Variants in TEX15 observed in about 807,000 individuals in gnomAD.
TEX15 encodes the protein testis-expressed protein 15.
Under a neutral mutation model 237.3 loss-of-function variants are expected in TEX15, and 171 were observed. That is an observed-to-expected ratio of 0.72 (90% confidence interval 0.64 to 0.82). The LOEUF (loss-of-function observed/expected upper bound fraction) is 0.82, where lower values mean the gene tolerates loss of function less well. Ranked by LOEUF, TEX15 falls within the 40% of genes least tolerant of loss-of-function variation. The pLI, the probability that TEX15 is intolerant of heterozygous loss-of-function variation, is 0.00. For missense variants in TEX15, 3,750 were observed against 3,646.5 expected (o/e 1.03, Z -0.73); for synonymous variants, 1,338 against 1,269.8 (o/e 1.05, Z -1.14).
At position 30,843,477 on chromosome 8, in the gene TEX15, C is replaced by G; in HGVS notation, c.6690G>C (p.Ser2230=). The part of the protein sequence containing the change: ...NVCGDSPKVH[S]YPGKQDHLWI... ...ACAGATGGTCCTGTTTTCCTGGATACGAATGAACTTTAGGAGAGTCCCCAC... is the reference window on the plus strand; with the variant it reads ...ACAGATGGTCCTGTTTTCCTGGATAGGAATGAACTTTAGGAGAGTCCCCAC... Residue 2230 remains serine, a synonymous_variant, in exon 8 of 11, where the codon TCG becomes TCC. Transcript: ENST00000643185. 6.2e-7 allele frequency: 1 copy of G among 1,612,620 alleles called. No homozygotes were observed. Among genetic ancestry groups the G allele is most frequent in the Admixed American group, 1.7e-5 (1 of 59,892 alleles).
intron 5 of TEX15, among the ~76,000 whole-genome samples, chr8:30,864,569 C>A: frequency 7.0e-6 from 1 of 143,154 alleles, no homozygotes. Context: ...AGCCAGCAAA[C>A]TATCCTTCAG....
At position 30,875,039 on chromosome 8, in the gene TEX15, T is replaced by C; in HGVS notation, c.200A>G (p.Gln67Arg). 1 of 1,352,762 alleles carries C rather than the reference T, an allele frequency of 7.4e-7. No homozygotes were observed. Among genetic ancestry groups the C allele is most frequent in the Non-Finnish European group, 9.5e-7 (1 of 1,049,454 alleles). The allele number at this position is 1,352,762 out of a possible 1,614,324, so 83.8% of individuals were successfully genotyped here. ...EYSFIHDTLN[Q>R]CRLDVNCDLQ... ...ATCACAGTTTACATCAAGCCTGCAC[T>C]GGTTAAGAGTATCATGTATAAAACT... is the stretch of plus-strand genomic sequence containing the variant. The change falls in exon 4 of 11, where the codon CAG becomes CGG. Residue 67 changes from glutamine to arginine, a missense_variant. Gln to Arg is a conservative substitution (Grantham distance 43, BLOSUM62 1). Coordinates refer to ENST00000643185, the MANE Select transcript of TEX15 (RefSeq NM_001350162.2).
chr8:30,836,769 C>A, intron 10 of TEX15, 34 bp downstream of exon 10: 1 of 1,529,536 alleles, frequency 6.5e-7, no homozygotes, highest in Non-Finnish European at 8.8e-7. Context: ...AAAGTAACAA[C>A]TCAATAAAGC....
At chr8:30,908,279 C>G (rs888253606) in intron 1 of TEX15, among the ~76,000 whole-genome samples, 1 of 151,878 alleles carries the variant, frequency 6.6e-6, no homozygotes, top group African/African-American at 2.4e-5. Flanking sequence ...AGGGTGGTCT[C>G]CGACTTCTGG....
At chr8:30,876,506 C>A (rs1377772107) in intron 3 of TEX15, among the ~76,000 whole-genome samples, 2 of 152,116 alleles carry the variant, frequency 1.3e-5, no homozygotes, top group Non-Finnish European at 2.9e-5. Flanking sequence ...AGCTGCTTTT[C>A]TATCTTTCCC....
At chr8:30,860,712 G>A (rs988039918) in intron 5 of TEX15, among the ~76,000 whole-genome samples, 3 of 151,790 alleles carry the variant, frequency 2.0e-5, no homozygotes, top group African/African-American at 7.3e-5. Context: ...TACATGCCCA[G>A]CTAATTTTTG....
At chr8:30,890,034 G>A (rs1808765892) in intron 2 of TEX15, among the ~76,000 whole-genome samples, 1 of 147,808 alleles carries the variant, frequency 6.8e-6, no homozygotes, top group Non-Finnish European at 1.5e-5. Flanking sequence ...TGGAGTCCTG[G>A]GCTATTCTAG....
In TEX15 at chr8:30,847,847, C is replaced by A; in HGVS notation, c.2320G>T (p.Ala774Ser). 1.2e-6 allele frequency: 2 copies of A among 1,613,740 alleles called. No homozygotes were observed. Among genetic ancestry groups the A allele is most frequent in the Non-Finnish European group, 1.7e-6 (2 of 1,179,928 alleles). ...ACTGTATCAATGAACATTTCTTTGGCCTGGGGTATGTCTTTTGGTTTCGGG... is the reference window on the plus strand; with the variant it reads ...ACTGTATCAATGAACATTTCTTTGGACTGGGGTATGTCTTTTGGTTTCGGG... The part of the protein sequence containing the change: ...AFPKPKDIPQ[A>S]KEMFIDTVIS... Residue 774 changes from alanine to serine, a missense_variant, in exon 8 of 11, where the codon GCC (alanine) becomes TCC (serine). Physicochemically the swap from Ala to Ser is moderately conservative, Grantham distance 99. Transcript: ENST00000643185.
At chr8:30,859,399 CTTG>C (rs548404818) in intron 6 of TEX15, among the ~76,000 whole-genome samples, 243 of 151,982 alleles carry the variant, frequency 1.6e-3, no homozygotes, top group African/African-American at 5.4e-3. Context: ...TCAAAATAGC[CTTG>C]TTTTTTAAAA....
At position 30,849,136 on chromosome 8, in the gene TEX15, C is replaced by T; in HGVS notation, c.1031G>A (p.Gly344Glu). Residue 344 changes from glycine (G) to glutamate (E), a missense_variant, in exon 8 of 11, where the codon GGA becomes GAA. Transcript: ENST00000643185. The part of the protein sequence containing the change: ...PFISNISNSY[G>E]NVQNGNISIP... ...AGAAATGTTTCCATTTTGTACATTT[C>T]CATAGGAGTTAGAAATATTTGAGAT... 1 of 1,583,556 alleles carries T rather than the reference C, an allele frequency of 6.3e-7. No individual in the cohort carries two copies. Among genetic ancestry groups the T allele is most frequent in the Non-Finnish European group, 8.6e-7 (1 of 1,165,278 alleles).
rs779987369 is a variant in TEX15 at position 30,844,557 on chromosome 8, A to G, written c.5610T>C (p.Thr1870=). The G allele has an allele frequency of 1.9e-6, 3 of 1,611,918 alleles. No individual in the cohort carries two copies. In the South Asian group the frequency reaches 3.3e-5, roughly 18 times the overall value. Residue 1870 remains threonine, a synonymous_variant, in exon 8 of 11, where the codon ACT becomes ACC. Coordinates refer to ENST00000643185, the MANE Select transcript of TEX15 (RefSeq NM_001350162.2). ...TCTGATTCTTTTGATTTTTGTACTCAGTATTAACAGTTGATCCTTCAGTCA... is the reference window on the plus strand; with the variant it reads ...TCTGATTCTTTTGATTTTTGTACTCGGTATTAACAGTTGATCCTTCAGTCA... ...RSMTEGSTVN[T]EYKNQKNQIS...
intron 3 of TEX15, among the ~76,000 whole-genome samples, chr8:30,880,509 T>G (rs1037633964): frequency 3.9e-5 from 6 of 152,200 alleles, no homozygotes; most frequent in Non-Finnish European, 8.8e-5. Context: ...CTCCTCTTCC[T>G]TAGCCTACTC....
At chr8:30,849,626 G>T (rs923740214) in intron 7 of TEX15, among the ~76,000 whole-genome samples, 6 of 152,114 alleles carry the variant, frequency 3.9e-5, no homozygotes, top group African/African-American at 1.4e-4. Flanking sequence ...ATAGGGGCTG[G>T]GCACGGTGGC....
rs190641233 is a variant in TEX15 at position 30,888,138 on chromosome 8, C to A, written c.-9-827G>T. 2.6e-3 allele frequency among the ~76,000 whole-genome samples: 393 copies of A among 151,538 alleles called. 2 individuals carry two copies. Among genetic ancestry groups the A allele is most frequent in the African/African-American group, 9.0e-3 (374 of 41,340 alleles). ...CTGTGTTGCCCAGGCTGGTTTTGAA[C>A]ACCTGGGCTCAAGTGATCCTCCTGC... On this transcript the variant is annotated intron_variant, in intron 2 of 10. Coordinates refer to ENST00000643185, the MANE Select transcript of TEX15 (RefSeq NM_001350162.2).
rs1237790813 is a variant in TEX15 at position 30,838,057 on chromosome 8, T to C, written c.8227A>G (p.Thr2743Ala). The change falls in exon 10 of 11, where the codon ACA (threonine) becomes GCA (alanine). Residue 2743 changes from threonine to alanine, a missense_variant. Physicochemically the swap from Thr to Ala is moderately conservative, Grantham distance 58. Coordinates refer to ENST00000643185, the MANE Select transcript of TEX15 (RefSeq NM_001350162.2). ...TTTTCGCTTTTGGGATGAGATCCTG[T>C]AGTCCTATTAGGTGCAACACATACA... ...EKATFKHPRTTGSHPKSENKI... is the reference protein window; with the variant it reads ...EKATFKHPRTAGSHPKSENKI... The C allele has an allele frequency of 6.2e-7, 1 of 1,605,326 alleles. No individual in the cohort carries two copies. Among genetic ancestry groups the C allele is most frequent in the Admixed American group, 1.7e-5 (1 of 57,960 alleles).
At chr8:30,895,857 T>C (rs936290336) in intron 2 of TEX15, among the ~76,000 whole-genome samples, 1 of 151,666 alleles carries the variant, frequency 6.6e-6, no homozygotes, top group Non-Finnish European at 1.5e-5. Flanking sequence ...ATTTTTTGTA[T>C]TTTAGTAGAG....
intron 8 of TEX15, among the ~76,000 whole-genome samples, chr8:30,841,251 T>TC (rs1367648535): frequency 2.0e-5 from 3 of 152,288 alleles, no homozygotes; most frequent in East Asian, 3.9e-4. Flanking sequence ...ACTTCTGAAC[T>TC]AAGAAGTCTT....
In TEX15 at chr8:30,836,905, G is replaced by A. The variant is rs927642951; in HGVS notation, c.9379C>T (p.Gln3127Ter). The A allele has an allele frequency of 1.9e-5, 31 of 1,614,174 alleles. No homozygotes were observed. The highest frequency in any genetic ancestry group is 2.6e-5 in the Non-Finnish European group (31 of 1,180,032). ...QSQIPASNFR[Q>*]PIFSQYASHQ... ...GAAGCATATTGTGAAAAAATTGGCT[G>A]CCGAAAATTAGAAGCAGGTATTTGA... The change falls in exon 10 of 11, where the codon CAG (glutamine) becomes TAG (stop). Residue 3127 changes from glutamine to a stop codon, truncating the protein, a stop_gained. Coordinates refer to ENST00000643185, the MANE Select transcript of TEX15 (RefSeq NM_001350162.2). LOFTEE classifies it high-confidence loss of function.
chr8:30,895,676 C>CTTGTTTTTTT (rs1808889087), intron 2 of TEX15, among the ~76,000 whole-genome samples: 1 of 60,060 alleles, frequency 1.7e-5, no homozygotes, highest in Non-Finnish European at 2.7e-5. Context: ...TAAACACATG[C>CTTGTTTTTTT]TTTTTTTTTT....
Sources: gnomAD v4.1 joint callset for allele counts (sites outside exome capture counted in the v4.1 genomes callset) on GRCh38, gnomAD v4.1.1 for gene constraint, MANE v1.5 for transcripts, NCBI Gene and HGNC (gene_info 2026-07-23, HGNC 2026-07-21) for gene names.